Variants in KCNT2 observed in about 807,000 individuals in gnomAD.
KCNT2 encodes the protein potassium sodium-activated channel subfamily T member 2.
In KCNT2, 67 loss-of-function variants were observed where a neutral mutation model predicts 153.8. That is an observed-to-expected ratio of 0.44 (90% CI 0.36 to 0.53). The LOEUF is 0.53. KCNT2 is among the 20% of genes least tolerant of loss of function. The pLI, the probability that KCNT2 is intolerant of heterozygous loss-of-function variation, is 0.00. For synonymous variants in KCNT2, 500 were observed against 458.8 expected, an observed-to-expected ratio of 1.09 and a Z score of -1.15; for missense variants, 975 against 1,354.8, an observed-to-expected ratio of 0.72 and a Z score of 4.40.
chr1:196,283,524 A>G (rs1359704560), intron 23 of KCNT2, among the ~76,000 whole-genome samples: 3 of 152,180 alleles, frequency 2.0e-5, no homozygotes, highest in Admixed American at 6.5e-5. Context: ...GTGACAGTGC[A>G]TCTCTTATAT....
intron 1 of KCNT2, among the ~76,000 whole-genome samples, chr1:196,562,985 T>G (rs2148928063): frequency 6.6e-6 from 1 of 152,108 alleles, no homozygotes; most frequent in East Asian, 1.9e-4. Context: ...GAGTAAATAC[T>G]TTATTATTTA....
intron 5 of KCNT2, among the ~76,000 whole-genome samples, chr1:196,474,047 T>C (rs966111215): frequency 2.0e-5 from 3 of 152,128 alleles, no homozygotes; most frequent in Non-Finnish European, 4.4e-5. Flanking sequence ...CTTTTATTAT[T>C]GACAGAATTC....
chr1:196,243,223 T>A (rs1457638167), intron 26 of KCNT2, among the ~76,000 whole-genome samples: 3 of 152,220 alleles, frequency 2.0e-5, no homozygotes, highest in South Asian at 2.1e-4. Flanking sequence ...ATAGCCACTC[T>A]AGCTTTCTTC....
intron 8 of KCNT2, among the ~76,000 whole-genome samples, chr1:196,436,845 C>T (rs1006953382): frequency 1.3e-5 from 2 of 148,682 alleles, no homozygotes; most frequent in Admixed American, 1.4e-4. Flanking sequence ...CAGTTACAAC[C>T]AAGTTAAACA....
intron 17 of KCNT2, among the ~76,000 whole-genome samples, chr1:196,332,465 C>T (rs887321990): frequency 1.3e-5 from 2 of 152,004 alleles, no homozygotes; most frequent in Admixed American, 6.6e-5. Flanking sequence ...GTACACCAAC[C>T]TTTCTTACAG....
intron 26 of KCNT2, among the ~76,000 whole-genome samples, chr1:196,242,984 G>C (rs978534348): frequency 2.0e-5 from 3 of 152,102 alleles, no homozygotes; most frequent in African/African-American, 7.2e-5. Context: ...TTTGACAAAT[G>C]CATAGTGTGG....
At chr1:196,596,663 G>T (rs1029431890) in intron 1 of KCNT2, among the ~76,000 whole-genome samples, 1 of 152,048 alleles carries the variant, frequency 6.6e-6, no homozygotes, top group African/African-American at 2.4e-5. Flanking sequence ...GCTGTATATG[G>T]CTATATTAAT....
chr1:196,581,700 A>G (rs1282221604), intron 1 of KCNT2, among the ~76,000 whole-genome samples: 1 of 152,174 alleles, frequency 6.6e-6, no homozygotes, highest in Non-Finnish European at 1.5e-5. Context: ...AACTTTCCAA[A>G]AAGAGAAAGA....
chr1:196,404,066 G>C, intron 12 of KCNT2: 2 of 554,482 alleles, frequency 3.6e-6, no homozygotes, highest in Non-Finnish European at 4.6e-6. Context: ...GCTACTGGTA[G>C]TCCTCCCTTT....
chr1:196,602,629 A>G (rs1186589946), intron 1 of KCNT2, among the ~76,000 whole-genome samples: 1 of 152,164 alleles, frequency 6.6e-6, no homozygotes, highest in African/African-American at 2.4e-5. Flanking sequence ...ATTTATAAGA[A>G]TTGGTTAAAA....
chr1:196,387,359 T>C lies in KCNT2; in HGVS notation c.1294+11204A>G, dbSNP rs182135170. On this transcript the variant is annotated intron_variant, in intron 13 of 27. Coordinates refer to ENST00000294725, the MANE Select transcript of KCNT2 (RefSeq NM_198503.5). ...TATGGCAACATTCAGGAATCACTCA[T>C]ATCTGCATTCATTTAAATATAACTA... is the stretch of plus-strand genomic sequence containing the variant. 7.4e-4 allele frequency among the ~76,000 whole-genome samples: 112 copies of C among 152,124 alleles called. 1 individual carries two copies. Among genetic ancestry groups the C allele is most frequent in the Middle Eastern group, 3.4e-3 (1 of 294 alleles).
chr1:196,590,466 G>A (rs531944156), intron 1 of KCNT2, among the ~76,000 whole-genome samples: 56 of 152,224 alleles, frequency 3.7e-4, no homozygotes, highest in African/African-American at 1.3e-3. Flanking sequence ...ATGGAGGACG[G>A]GTTTCAGGTG....
intron 1 of KCNT2, among the ~76,000 whole-genome samples, chr1:196,494,375 G>C (rs1281450808): frequency 1.3e-5 from 2 of 152,120 alleles, no homozygotes; most frequent in Non-Finnish European, 2.9e-5. Context: ...TTGGAGTTCA[G>C]TACTGGGTAT....
chr1:196,322,943 G>A (rs184338775), intron 19 of KCNT2, among the ~76,000 whole-genome samples: 135 of 151,740 alleles, frequency 8.9e-4, no homozygotes, highest in Non-Finnish European at 1.7e-3. Flanking sequence ...TTTCTTGATT[G>A]GCAGAAGAAA....
At chr1:196,575,361 G>A (rs1209236041) in intron 1 of KCNT2, among the ~76,000 whole-genome samples, 1 of 151,916 alleles carries the variant, frequency 6.6e-6, no homozygotes, top group East Asian at 1.9e-4. Flanking sequence ...TGGACATAAT[G>A]ACATACTACA....
chr1:196,535,206 G>T (rs960111961), intron 1 of KCNT2, among the ~76,000 whole-genome samples: 1 of 152,114 alleles, frequency 6.6e-6, no homozygotes, highest in African/African-American at 2.4e-5. Flanking sequence ...CTGTACCATG[G>T]CCCTCATCAA....
At chr1:196,256,743 T>TTA (rs1420177676) in intron 26 of KCNT2, among the ~76,000 whole-genome samples, 2 of 150,688 alleles carry the variant, frequency 1.3e-5, no homozygotes, top group Non-Finnish European at 3.0e-5. Context: ...CTTTGATCTG[T>TTA]TATATATATA....
intron 25 of KCNT2, among the ~76,000 whole-genome samples, chr1:196,263,599 G>A (rs1178458102): frequency 2.6e-5 from 4 of 151,948 alleles, no homozygotes; most frequent in East Asian, 1.9e-4. Flanking sequence ...AAACATACTC[G>A]GAGTAGGTAG....
At chr1:196,459,017 T>C (rs1187494583) in intron 8 of KCNT2, among the ~76,000 whole-genome samples, 1 of 151,872 alleles carries the variant, frequency 6.6e-6, no homozygotes, top group Non-Finnish European at 1.5e-5. Context: ...CAAATAATCA[T>C]TTTCATTTCC....
Sources: gnomAD v4.1 joint callset for allele counts (sites outside exome capture counted in the v4.1 genomes callset) on GRCh38, gnomAD v4.1.1 for gene constraint, MANE v1.5 for transcripts, NCBI Gene and HGNC (gene_info 2026-07-23, HGNC 2026-07-21) for gene names.